The following PPP1R18 variants were observed in gnomAD, a reference collection of about 807,000 sequenced individuals.
The protein encoded by PPP1R18 is protein phosphatase 1 regulatory subunit 18, also known as phostensin.
PPP1R18 carries 31 observed loss-of-function variants against 54.8 expected under a neutral mutation model. The observed-to-expected ratio is 0.57, with a 90% CI of 0.43 to 0.76. The LOEUF (loss-of-function observed/expected upper bound fraction) is 0.76, where lower values mean the gene tolerates loss of function less well. Among genes scored for constraint, PPP1R18 ranks in the 30% least tolerant of loss-of-function variants. The pLI is 0.00. For missense variants in PPP1R18, 685 were observed against 776.1 expected (o/e 0.88, Z 1.39); for synonymous variants, 310 against 320.2 (o/e 0.97, Z 0.34).
At chr6:30,678,710 A>G (rs757343920) in intron 2 of PPP1R18, among the ~76,000 whole-genome samples, 6 of 152,034 alleles carry the variant, frequency 3.9e-5, no homozygotes, top group South Asian at 2.1e-4. Context: ...TTTTTTGTAG[A>G]GACAGGATTT....
rs755142703 is a variant in PPP1R18, at chr6:30,684,984, T to C, written c.1035A>G (p.Thr345=). Residue 345 remains threonine, a synonymous_variant, in exon 1 of 3, where the codon ACA becomes ACG. Coordinates refer to ENST00000274853, the MANE Select transcript of PPP1R18 (RefSeq NM_133471.4). The surrounding 1 kb of genome is among the most constrained non-coding windows in gnomAD (Gnocchi z 6.0). ...TLNSGKAREW[T]PRDIEAQTQK... ...GAGTTTGAGCCTCTATGTCCCTGGG[T>C]GTCCATTCTCGAGCCTTCCCGGAGT... is the stretch of plus-strand genomic sequence containing the variant. 3.1e-6 allele frequency: 5 copies of C among 1,613,056 alleles called. No homozygotes were observed. The Admixed American group carries it at 5.0e-5, about 16-fold the overall frequency.
At chr6:30,677,761 C>T (rs1350589058) in intron 2 of PPP1R18, among the ~76,000 whole-genome samples, 6 of 152,076 alleles carry the variant, frequency 3.9e-5, no homozygotes, top group East Asian at 3.9e-4. Flanking sequence ...GCACAAGAAT[C>T]GCTTGAATTT....
At chr6:30,677,917 TTC>T in intron 2 of PPP1R18, among the ~76,000 whole-genome samples, 1 of 152,198 alleles carries the variant, frequency 6.6e-6, no homozygotes, top group African/African-American at 2.4e-5. Context: ...AGTTTTTGGT[TTC>T]TGTTTTTTTG....
In PPP1R18 at chr6:30,685,908, TG is replaced by T. The variant is rs1770896127; in HGVS notation, c.110del (p.Pro37GlnfsTer26). The T allele has an allele frequency of 6.2e-7, 1 of 1,610,126 alleles. No individual in the cohort carries two copies. Among genetic ancestry groups the T allele is most frequent in the Non-Finnish European group, 8.5e-7 (1 of 1,180,010 alleles). On this transcript the variant is annotated frameshift_variant, in exon 1 of 3. Transcript: ENST00000274853. LOFTEE classifies it high-confidence loss of function. This position sits in a 1 kb window ranked among gnomAD's most constrained non-coding sequence, Gnocchi z 5.0. ...KAERERLSQM[P>X]AWKRGLLERR... is the part of the protein sequence containing the mutation. ...GCTCCAGGAGCCCTCGTTTCCAGGCTGGCATCTGGGACAGGCGCTCCCGTTC... is the reference window on the plus strand; with the variant it reads ...GCTCCAGGAGCCCTCGTTTCCAGGCTGCATCTGGGACAGGCGCTCCCGTTC...
chr6:30,680,700 G>A (rs927360349), intron 1 of PPP1R18, among the ~76,000 whole-genome samples: 1 of 151,934 alleles, frequency 6.6e-6, no homozygotes, highest in African/African-American at 2.4e-5. Flanking sequence ...TGACACCTGG[G>A]TCCCCATGGG....
chr6:30,685,665 C>T lies in PPP1R18; in HGVS notation c.354G>A (p.Glu118=). The T allele has an allele frequency of 6.2e-7, 1 of 1,613,134 alleles. No individual in the cohort carries two copies. Among genetic ancestry groups the T allele is most frequent in the Admixed American group, 1.7e-5 (1 of 60,032 alleles). ...LLAERKPGPL[E]ARERRPSPGE... ...CAGGGCTGGGTCTCCGCTCCCGGGC[C>T]TCCAGAGGCCCAGGCTTTCTCTCTG... The change falls in exon 1 of 3, where the codon GAG becomes GAA. Residue 118 remains glutamate, a synonymous_variant. Coordinates refer to ENST00000274853, the MANE Select transcript of PPP1R18 (RefSeq NM_133471.4). The surrounding 1 kb of genome is among the most constrained non-coding windows in gnomAD (Gnocchi z 5.0).
chr6:30,685,914 C>G lies in PPP1R18; in HGVS notation c.105G>C (p.Gln35His), dbSNP rs1770896581. 6.2e-7 allele frequency: 1 copy of G among 1,609,512 alleles called. No individual in the cohort carries two copies. The highest frequency in any genetic ancestry group is 1.1e-5 in the South Asian group (1 of 91,084). Reference sequence around the variant, plus strand: ...GGAGCCCTCGTTTCCAGGCTGGCATCTGGGACAGGCGCTCCCGTTCTGCTT... The same window carrying G: ...GGAGCCCTCGTTTCCAGGCTGGCATGTGGGACAGGCGCTCCCGTTCTGCTT... ...REKAERERLS[Q>H]MPAWKRGLLE... Residue 35 changes from glutamine (Q) to histidine (H), a missense_variant, in exon 1 of 3, where the codon CAG becomes CAC. Physicochemically the swap from Gln to His is conservative, Grantham distance 24. Coordinates refer to ENST00000274853, the MANE Select transcript of PPP1R18 (RefSeq NM_133471.4). This position sits in a 1 kb window ranked among gnomAD's most constrained non-coding sequence, Gnocchi z 5.0.
At chr6:30,679,137 GA>G in intron 2 of PPP1R18, 41 bp downstream of exon 2, 3 of 1,557,202 alleles carry the variant, frequency 1.9e-6, no homozygotes, top group African/African-American at 2.7e-5. Context: ...CGCCCGCTCT[GA>G]CAGCAGGGGG....
chr6:30,680,729 T>C (rs1196447189), intron 1 of PPP1R18, among the ~76,000 whole-genome samples: 6 of 152,048 alleles, frequency 3.9e-5, no homozygotes. Context: ...ACTCAGGAAC[T>C]GTATATGTTA....
intron 2 of PPP1R18, among the ~76,000 whole-genome samples, chr6:30,678,595 G>T (rs1770341505): frequency 2.0e-5 from 3 of 150,800 alleles, no homozygotes; most frequent in African/African-American, 7.3e-5. Flanking sequence ...AGCCAGGATG[G>T]TCTCGATCTC....
chr6:30,684,520 C>T lies in PPP1R18; in HGVS notation c.1499G>A (p.Gly500Glu), dbSNP rs1432221178. 1 of 1,612,732 alleles carries T rather than the reference C, an allele frequency of 6.2e-7. No homozygotes were observed. The highest frequency in any genetic ancestry group is 8.5e-7 in the Non-Finnish European group (1 of 1,179,884). The change falls in exon 1 of 3, where the codon GGG becomes GAG. Residue 500 changes from glycine to glutamate, a missense_variant. Physicochemically the swap from Gly to Glu is moderately conservative, Grantham distance 98 (BLOSUM62 -2). Transcript: ENST00000274853. The surrounding 1 kb of genome is among the most constrained non-coding windows in gnomAD (Gnocchi z 6.0). Reference sequence around the variant, plus strand: ...AGTTGGGTACCGCTTCTTCCCAGCCCCCGGGACTGCAGCATCAACTGTGGC... The same window carrying T: ...AGTTGGGTACCGCTTCTTCCCAGCCTCCGGGACTGCAGCATCAACTGTGGC... ...SPATVDAAVP[G>E]AGKKRYPTAE...
Position 30,684,471 on chromosome 6 carries a change from C to G in PPP1R18, c.1548G>C (p.Gly516=). The change falls in exon 1 of 3, where the codon GGG becomes GGC. Residue 516 remains glycine (G), a synonymous_variant. Coordinates refer to ENST00000274853, the MANE Select transcript of PPP1R18 (RefSeq NM_133471.4). The surrounding 1 kb of genome is among the most constrained non-coding windows in gnomAD (Gnocchi z 6.0). ...YPTAEEILVL[G]GYLRLSRSCL... The stretch of plus-strand genomic sequence containing the variant: ...AGCTGCGGCTGAGACGGAGGTAGCC[C>G]CCCAGAACCAAGATCTCCTCGGCAG... 1 of 1,609,944 alleles carries G rather than the reference C, an allele frequency of 6.2e-7. No homozygotes were observed. Among genetic ancestry groups the G allele is most frequent in the Non-Finnish European group, 8.5e-7 (1 of 1,178,234 alleles).
At chr6:30,678,259 G>A (rs1770313439) in intron 2 of PPP1R18, among the ~76,000 whole-genome samples, 1 of 151,792 alleles carries the variant, frequency 6.6e-6, no homozygotes, top group Non-Finnish European at 1.5e-5. Flanking sequence ...AGGCTGGAGT[G>A]CAGTGGGTGG....
Position 30,685,137 on chromosome 6 carries a change from C to A in PPP1R18, c.882G>T (p.Glu294Asp). ...VPGVAPKETA[E>D]LSETLTREAQ... ...CCTCCCTTGTCAGGGTCTCGGACAG[C>A]TCTGCAGTCTCTTTTGGAGCTACCC... Residue 294 changes from glutamate (E) to aspartate (D), a missense_variant, in exon 1 of 3, where the codon GAG (glutamate) becomes GAT (aspartate). Physicochemically the swap from Glu to Asp is conservative, Grantham distance 45. Coordinates refer to ENST00000274853, the MANE Select transcript of PPP1R18 (RefSeq NM_133471.4). The surrounding 1 kb of genome is among the most constrained non-coding windows in gnomAD (Gnocchi z 5.0). The A allele has an allele frequency of 2.5e-6, 4 of 1,613,130 alleles. No homozygotes were observed. Among genetic ancestry groups the A allele is most frequent in the Non-Finnish European group, 2.5e-6 (3 of 1,180,034 alleles).
At chr6:30,678,439 G>A (rs1467172076) in intron 2 of PPP1R18, among the ~76,000 whole-genome samples, 9 of 148,282 alleles carry the variant, frequency 6.1e-5, no homozygotes, top group African/African-American at 2.3e-4. Context: ...GCAGTGGCAC[G>A]ACCTCGGCTC....
In PPP1R18 at chr6:30,684,405, T is replaced by C. The variant is rs1167196575; in HGVS notation, c.1611+3A>G. ...AAGAAGTCTGGCTTGGCTGCTTCCC[T>C]ACCTGTTTGTGGTGTCTTTCGGGGG... On this transcript the variant is annotated splice_donor_region_variant and intron_variant, in intron 1 of 2. Transcript: ENST00000274853. The surrounding 1 kb of genome is among the most constrained non-coding windows in gnomAD (Gnocchi z 6.0). The C allele has an allele frequency of 1.3e-6, 2 of 1,545,642 alleles. No homozygotes were observed. Among genetic ancestry groups the C allele is most frequent in the Non-Finnish European group, 1.7e-6 (2 of 1,143,316 alleles).
Position 30,686,180 on chromosome 6 carries a change from A to G in PPP1R18, c.-162T>C, listed in dbSNP as rs576280558. Reference sequence around the variant, plus strand: ...GGGCAGAGGGGCTAAGGATGAGGACAGAGGGAAAGACGGAAGGCAGAGAAC... The same window carrying G: ...GGGCAGAGGGGCTAAGGATGAGGACGGAGGGAAAGACGGAAGGCAGAGAAC... On this transcript the variant is annotated 5_prime_UTR_variant, in exon 1 of 3. Transcript: ENST00000274853. The G allele has an allele frequency of 2.0e-5, 13 of 661,728 alleles. No homozygotes were observed. Among genetic ancestry groups the G allele is most frequent in the African/African-American group, 1.8e-4 (10 of 54,764 alleles). 41.0% of individuals were successfully genotyped at this position (661,728 alleles called of 1,614,324 possible).
chr6:30,679,443 G>T, intron 1 of PPP1R18, 54 bp from the exon 2 acceptor site: 1 of 1,250,394 alleles, frequency 8.0e-7, no homozygotes, highest in Non-Finnish European at 1.1e-6. Context: ...GGAGAAGCCC[G>T]CGGGGGTTGA....
Position 30,684,606 on chromosome 6 carries a change from G to C in PPP1R18, c.1413C>G (p.Thr471=). The C allele has an allele frequency of 6.3e-7, 1 of 1,585,636 alleles. No homozygotes were observed. The highest frequency in any genetic ancestry group is 8.6e-7 in the Non-Finnish European group (1 of 1,165,584). The change falls in exon 1 of 3, where the codon ACC becomes ACG. Residue 471 remains threonine, a synonymous_variant. Transcript: ENST00000274853. This position sits in a 1 kb window ranked among gnomAD's most constrained non-coding sequence, Gnocchi z 6.0. ...GVGAPRRSGH[T]FTVNPRRSVP... ...CAGACCGCCGGGGGTTGACGGTGAA[G>C]GTGTGTCCACTGCGGCGGGGGGCCC...
Sources: allele counts gnomAD v4.1 joint callset (sites outside exome capture counted in the v4.1 genomes callset), GRCh38; gene constraint gnomAD v4.1.1; non-coding constraint Gnocchi (gnomAD v3.1); transcripts MANE v1.5; gene names NCBI Gene and HGNC (gene_info 2026-07-23, HGNC 2026-07-21).